Variants in CDK12 observed in about 807,000 individuals in gnomAD.
CDK12 encodes cyclin-dependent kinase 12.
CDK12 carries 17 observed loss-of-function variants against 133.8 expected under a neutral mutation model. The observed-to-expected ratio is 0.13, with a 90% CI of 0.09 to 0.19. The LOEUF is 0.19. CDK12 is among the 10% of genes least tolerant of loss of function. CDK12 has a pLI of 1.00. For missense variants in CDK12, 1,508 were observed against 1,818.7 expected (o/e 0.83, Z 3.11); for synonymous variants, 694 against 683.6 (o/e 1.02, Z -0.24).
At chr17:39,483,328 G>C (rs1273006406) in intron 2 of CDK12, among the ~76,000 whole-genome samples, 1 of 151,490 alleles carries the variant, frequency 6.6e-6, no homozygotes, top group African/African-American at 2.4e-5. Context: ...TCAGTGGCCT[G>C]TGCACAGCTC....
rs2051190656 is a variant in CDK12 at position 39,487,039 on chromosome 17, CAA to C, written c.1932-3516_1932-3515del. Among the ~76,000 whole-genome samples, 3 of 152,086 alleles carry C rather than the reference CAA, an allele frequency of 2.0e-5. No individual in the cohort carries two copies. In the South Asian group the frequency reaches 6.2e-4, roughly 32 times the overall value. On this transcript the variant is annotated intron_variant, in intron 2 of 13. Coordinates refer to ENST00000447079, the MANE Select transcript of CDK12 (RefSeq NM_016507.4). ...AAAGAATCTATATTACATTGTGACT[CAA>C]AGAGTTTTCTGATAATAAGTTTTGT...
intron 2 of CDK12, among the ~76,000 whole-genome samples, chr17:39,485,721 TAAAA>T (rs78266155): frequency 2.1e-5 from 3 of 140,400 alleles, no homozygotes; most frequent in African/African-American, 7.8e-5. Flanking sequence ...CCCTGTCTCT[TAAAA>T]AAAAAAAAAG....
At chr17:39,514,990 T>C (rs935166177) in intron 8 of CDK12, among the ~76,000 whole-genome samples, 9 of 152,170 alleles carry the variant, frequency 5.9e-5, no homozygotes, top group African/African-American at 2.2e-4. Context: ...CTCCCCCCAC[T>C]CTTTTAATCA....
At chr17:39,469,985 A>G (rs1257163999) in intron 1 of CDK12, among the ~76,000 whole-genome samples, 5 of 152,116 alleles carry the variant, frequency 3.3e-5, no homozygotes, top group Non-Finnish European at 2.9e-5. Flanking sequence ...ATTAAATTCA[A>G]AATTCTGAAA....
chr17:39,545,700 A>T (rs574439588), upstream of CDK12, among the ~76,000 whole-genome samples: 5 of 150,928 alleles, frequency 3.3e-5, no homozygotes, highest in South Asian at 1.0e-3. Flanking sequence ...GGGTTTCACC[A>T]TGTTGGCCAG....
Position 39,531,288 on chromosome 17 carries a change from G to T in CDK12, c.4445G>T (p.Gly1482Val), listed in dbSNP as rs750985153. The T allele has an allele frequency of 1.3e-6, 2 of 1,494,466 alleles. No individual in the cohort carries two copies. The highest frequency in any genetic ancestry group is 2.3e-5 in the East Asian group (1 of 42,738). The allele number at this position is 1,494,466 out of a possible 1,614,324, so 92.6% of individuals were successfully genotyped here. A position where few individuals can be genotyped will look rare whatever the true frequency, so the allele number is the denominator to read the frequency against. Reference sequence around the variant, plus strand: ...GGGCCTACAAGAGTCCCACCAAGAGGGGGAAGAGGGAGAGGAGTTCCTTAC... The same window carrying T: ...GGGCCTACAAGAGTCCCACCAAGAGTGGGAAGAGGGAGAGGAGTTCCTTAC... ...YRGPTRVPPR[G>V]GRGRGVPY is the part of the protein sequence containing the mutation. Residue 1482 changes from glycine (G) to valine (V), a missense_variant, in exon 14 of 14, where the codon GGG (glycine) becomes GTG (valine). Physicochemically the swap from Gly to Val is moderately radical, Grantham distance 109 (BLOSUM62 -3). Transcript: ENST00000447079.
intron 3 of CDK12, among the ~76,000 whole-genome samples, chr17:39,491,270 C>G (rs1220321055): frequency 6.6e-6 from 1 of 152,096 alleles, no homozygotes; most frequent in African/African-American, 2.4e-5. Context: ...GAGTTGCGTT[C>G]TTTGTTGCCC....
chr17:39,530,438 A>G, intron 13 of CDK12, 166 bp from the exon 14 acceptor site: 2 of 959,308 alleles, frequency 2.1e-6, no homozygotes, highest in South Asian at 4.2e-5. Flanking sequence ...TTTACTTTTA[A>G]TCACTTGATT....
chr17:39,496,822 T>C (rs2052153398), intron 5 of CDK12, among the ~76,000 whole-genome samples: 1 of 151,734 alleles, frequency 6.6e-6, no homozygotes, highest in South Asian at 2.1e-4. Flanking sequence ...GTCAAATGGA[T>C]TTTCATATTT....
intron 5 of CDK12, among the ~76,000 whole-genome samples, chr17:39,497,716 G>A (rs2052237995): frequency 6.6e-6 from 1 of 151,830 alleles, no homozygotes; most frequent in Non-Finnish European, 1.5e-5. Flanking sequence ...AATCCTCCAT[G>A]CCTCATCCTC....
upstream of CDK12, among the ~76,000 whole-genome samples, chr17:39,543,288 G>A (rs2055518615): frequency 6.6e-6 from 1 of 152,218 alleles, no homozygotes; most frequent in Non-Finnish European, 1.5e-5. Context: ...GATCCACAGT[G>A]GCCTAAATAC....
chr17:39,507,932 T>C (rs1379993461), intron 6 of CDK12, among the ~76,000 whole-genome samples: 1 of 152,198 alleles, frequency 6.6e-6, no homozygotes, highest in African/African-American at 2.4e-5. Flanking sequence ...TGATTTAATG[T>C]AGAAGTTTGT....
intron 10 of CDK12, among the ~76,000 whole-genome samples, chr17:39,517,868 A>G (rs2053908786): frequency 6.6e-6 from 1 of 152,022 alleles, no homozygotes; most frequent in Non-Finnish European, 1.5e-5. Flanking sequence ...TGTTTTTTAA[A>G]TTGAGACAGG....
chr17:39,504,099 A>G (rs749018867), intron 6 of CDK12, among the ~76,000 whole-genome samples: 31 of 152,334 alleles, frequency 2.0e-4, no homozygotes, highest in Non-Finnish European at 3.7e-4. Context: ...AATTAGAGAA[A>G]GTAAGATAAC....
intron 2 of CDK12, among the ~76,000 whole-genome samples, chr17:39,485,511 A>T (rs913570786): frequency 6.9e-6 from 1 of 145,672 alleles, no homozygotes; most frequent in African/African-American, 2.5e-5. Flanking sequence ...TCCCGGGTTC[A>T]GGTGATTCCC....
rs2048970961 is a variant in CDK12 at position 39,461,684 on chromosome 17, G to A, written c.-388G>A. ...GGGCTACCGGGTAGGGGAAGGGCCC[G>A]CGTAGTCCTCGCAGGGCCCCAGAGC... On this transcript the variant is annotated 5_prime_UTR_variant, in exon 1 of 14. Coordinates refer to ENST00000447079, the MANE Select transcript of CDK12 (RefSeq NM_016507.4). 1 of 296,264 alleles carries A rather than the reference G, an allele frequency of 3.4e-6. No homozygotes were observed. The highest frequency in any genetic ancestry group is 6.4e-6 in the Non-Finnish European group (1 of 155,800). 18.4% of individuals were successfully genotyped at this position (296,264 alleles called of 1,614,324 possible).
intron 1 of CDK12, among the ~76,000 whole-genome samples, chr17:39,465,555 C>T (rs186438118): frequency 6.8e-4 from 103 of 151,842 alleles, no homozygotes; most frequent in African/African-American, 2.3e-3. Flanking sequence ...GGAGCGATCT[C>T]GGTTCACTGC....
At chr17:39,560,436 T>C (rs895657472) in intron 3 of CDK12, among the ~76,000 whole-genome samples, 7 of 152,246 alleles carry the variant, frequency 4.6e-5, no homozygotes, top group African/African-American at 1.7e-4. Context: ...TAATTGGGCA[T>C]GGCACTACTA....
chr17:39,548,214 A>G (rs1047549009), upstream of CDK12, among the ~76,000 whole-genome samples: 1 of 152,114 alleles, frequency 6.6e-6, no homozygotes, highest in Non-Finnish European at 1.5e-5. Flanking sequence ...CCCAGAGAGC[A>G]TGGGCCCAAA....
Sources: allele counts gnomAD v4.1 joint callset (sites outside exome capture counted in the v4.1 genomes callset), GRCh38; gene constraint gnomAD v4.1.1; transcripts MANE v1.5; gene names NCBI Gene and HGNC (gene_info 2026-07-23, HGNC 2026-07-21).